B4GALT5: variants seen among roughly 807,000 people sequenced by gnomAD.
B4GALT5 encodes beta-1,4-galactosyltransferase 5.
Under a neutral mutation model 45.0 loss-of-function variants are expected in B4GALT5, and 11 were observed. The ratio of observed to expected loss-of-function variants is 0.24; its 90% CI spans 0.15 to 0.40. The LOEUF (loss-of-function observed/expected upper bound fraction) is 0.40, where lower values mean the gene tolerates loss of function less well. B4GALT5 is among the 10% of genes least tolerant of loss of function. B4GALT5 has a pLI of 1.00. For missense variants in B4GALT5, 337 were observed against 500.2 expected (o/e 0.67, Z 3.11); for synonymous variants, 185 against 182.9 (o/e 1.01, Z -0.09).
intron 1 of B4GALT5, among the ~76,000 whole-genome samples, chr20:49,705,060 T>A (rs2085878603): frequency 6.6e-6 from 1 of 151,898 alleles, no homozygotes; most frequent in African/African-American, 2.4e-5. Context: ...GTGATTCCCA[T>A]GCTTGGGAAA....
intron 2 of B4GALT5, among the ~76,000 whole-genome samples, chr20:49,649,097 G>GGCTGCCTACTCTGC (rs919552683): frequency 1.3e-5 from 2 of 152,068 alleles, no homozygotes; most frequent in South Asian, 2.1e-4. Flanking sequence ...ATATGCACAC[G>GGCTGCCTACTCTGC]GCTGCCTACT....
chr20:49,683,284 T>C (rs184694125), intron 1 of B4GALT5, among the ~76,000 whole-genome samples: 7 of 152,326 alleles, frequency 4.6e-5, no homozygotes, highest in Admixed American at 2.0e-4. Context: ...GTCTAACAGG[T>C]ATTTTCTGGT....
intron 1 of B4GALT5, among the ~76,000 whole-genome samples, chr20:49,668,421 C>A (rs1161180873): frequency 6.6e-6 from 1 of 151,988 alleles, no homozygotes; most frequent in Non-Finnish European, 1.5e-5. Flanking sequence ...AGCTTTGCTT[C>A]CCCCAAAATT....
chr20:49,691,887 A>T (rs557447362), intron 1 of B4GALT5, among the ~76,000 whole-genome samples: 1 of 152,330 alleles, frequency 6.6e-6, no homozygotes, highest in Non-Finnish European at 1.5e-5. Flanking sequence ...ACAAAACCCT[A>T]GGCAGTGACT....
intron 1 of B4GALT5, among the ~76,000 whole-genome samples, chr20:49,705,250 G>C (rs552840900): frequency 6.6e-6 from 1 of 152,298 alleles, no homozygotes; most frequent in South Asian, 2.1e-4. Flanking sequence ...TGTGAAGCCA[G>C]AGGAAAGGAC....
chr20:49,686,697 A>C (rs1312921629), intron 1 of B4GALT5, among the ~76,000 whole-genome samples: 6 of 136,044 alleles, frequency 4.4e-5, no homozygotes, highest in South Asian at 2.5e-4. Flanking sequence ...GCTATGTTGC[A>C]TAGGCAACAT....
At chr20:49,665,923 G>GC (rs1236942857) in intron 1 of B4GALT5, among the ~76,000 whole-genome samples, 5 of 151,960 alleles carry the variant, frequency 3.3e-5, no homozygotes, top group African/African-American at 1.2e-4. Context: ...GTTGCATATG[G>GC]CAAGAACATG....
chr20:49,651,022 C>T (rs1601250512), intron 2 of B4GALT5, among the ~76,000 whole-genome samples: 1 of 152,122 alleles, frequency 6.6e-6, no homozygotes, highest in South Asian at 2.1e-4. Context: ...ACAAGCCGGG[C>T]GCGGTGATCT....
chr20:49,637,904 G>T (rs755471656), intron 7 of B4GALT5, among the ~76,000 whole-genome samples: 3 of 151,958 alleles, frequency 2.0e-5, no homozygotes, highest in African/African-American at 7.3e-5. Flanking sequence ...CACCAGCTTG[G>T]GTAACAGAAA....
chr20:49,672,088 G>A (rs949113308), intron 1 of B4GALT5, among the ~76,000 whole-genome samples: 1 of 152,002 alleles, frequency 6.6e-6, no homozygotes, highest in African/African-American at 2.4e-5. Flanking sequence ...CCTCTATCTA[G>A]CCTACCATCC....
At chr20:49,677,543 T>C (rs930034933) in intron 1 of B4GALT5, among the ~76,000 whole-genome samples, 7 of 152,196 alleles carry the variant, frequency 4.6e-5, no homozygotes, top group African/African-American at 1.4e-4. Flanking sequence ...TAAGAACAAA[T>C]GGTAAAATGA....
chr20:49,684,018 G>A (rs1043670028), intron 1 of B4GALT5, among the ~76,000 whole-genome samples: 1 of 151,852 alleles, frequency 6.6e-6, no homozygotes, highest in Non-Finnish European at 1.5e-5. Flanking sequence ...GCACATGCTT[G>A]TAATCTCAGC....
At chr20:49,710,397 TTCTC>T (rs531057506) in intron 1 of B4GALT5, among the ~76,000 whole-genome samples, 2 of 89,980 alleles carry the variant, frequency 2.2e-5, no homozygotes, top group East Asian at 2.9e-4. Flanking sequence ...TTCTGTTATT[TTCTC>T]TCTCTTTTTT....
intron 1 of B4GALT5, 111 bp downstream of exon 1, chr20:49,713,465 G>T: frequency 9.1e-7 from 1 of 1,102,926 alleles, no homozygotes. Flanking sequence ...GTCTTCGGAG[G>T]ACCAGGCTCA....
chr20:49,653,325 G>A (rs184133489), intron 2 of B4GALT5, among the ~76,000 whole-genome samples: 59 of 152,202 alleles, frequency 3.9e-4, no homozygotes, highest in South Asian at 4.2e-4. Flanking sequence ...GTACTTACTC[G>A]CCAAAGATGT....
intron 1 of B4GALT5, among the ~76,000 whole-genome samples, chr20:49,711,552 C>A (rs1224123524): frequency 6.6e-6 from 1 of 152,168 alleles, no homozygotes; most frequent in African/African-American, 2.4e-5. Flanking sequence ...GTCCAAATCC[C>A]ATCTTTTCAC....
At chr20:49,668,659 A>G (rs995632746) in intron 1 of B4GALT5, among the ~76,000 whole-genome samples, 1 of 152,074 alleles carries the variant, frequency 6.6e-6, no homozygotes, top group Non-Finnish European at 1.5e-5. Context: ...GAGGCACAAG[A>G]CCAGCACTGC....
chr20:49,644,401 T>C (rs920797184), intron 3 of B4GALT5, among the ~76,000 whole-genome samples: 11 of 152,158 alleles, frequency 7.2e-5, no homozygotes, highest in African/African-American at 2.7e-4. Context: ...TGAGCTTTTC[T>C]GAGAAGAAGG....
Position 49,642,602 on chromosome 20 carries a change from A to G in B4GALT5, c.490-18T>C. On this transcript the variant is annotated intron_variant, in intron 4 of 8. Coordinates refer to ENST00000371711, the MANE Select transcript of B4GALT5 (RefSeq NM_004776.4). ...ATCGCCACCTGGAGTGGATTACAGCAAAAGAAGCACAGTTAGGACTCTCAG... is the reference window on the plus strand; with the variant it reads ...ATCGCCACCTGGAGTGGATTACAGCGAAAGAAGCACAGTTAGGACTCTCAG... 1 of 1,571,312 alleles carries G rather than the reference A, an allele frequency of 6.4e-7. No homozygotes were observed. Among genetic ancestry groups the G allele is most frequent in the South Asian group, 1.1e-5 (1 of 89,586 alleles).
Sources: allele counts gnomAD v4.1 joint callset (sites outside exome capture counted in the v4.1 genomes callset), GRCh38; gene constraint gnomAD v4.1.1; transcripts MANE v1.5; gene names NCBI Gene and HGNC (gene_info 2026-07-23, HGNC 2026-07-21).